The following HERC1 variants were observed in gnomAD, a reference collection of about 807,000 sequenced individuals.
HERC1 encodes HECT and RLD domain containing E3 ubiquitin protein ligase family member 1.
In HERC1, 160 loss-of-function variants were observed where a neutral mutation model predicts 554.3. The observed-to-expected ratio is 0.29, with a 90% CI of 0.25 to 0.33. HERC1 has a LOEUF of 0.33. Ranked by LOEUF, HERC1 falls within the 10% of genes least tolerant of loss-of-function variation. The pLI is 1.00. For synonymous variants in HERC1, 2,175 were observed against 2,131.7 expected (o/e 1.02, Z -0.56); for missense variants, 4,919 against 5,918.5 (o/e 0.83, Z 5.54).
intron 18 of HERC1, 40 bp from the exon 19 acceptor site, chr15:63,723,395 A>AT (rs2073903062): frequency 7.3e-7 from 1 of 1,373,194 alleles, no homozygotes; most frequent in Non-Finnish European, 9.8e-7. Context: ...AACATCATAA[A>AT]TTTTGGTGCT....
At chr15:63,743,234 ATTTTCTTTTT>A (rs1285605920) in intron 12 of HERC1, among the ~76,000 whole-genome samples, 47 of 85,034 alleles carry the variant, frequency 5.5e-4, no homozygotes, top group African/African-American at 1.6e-3. Context: ...TCCTCTGTGT[ATTTTCTTTTT>A]TTTTCTTTTT....
chr15:63,689,338 CT>C (rs1411461583), intron 33 of HERC1, among the ~76,000 whole-genome samples: 11 of 152,156 alleles, frequency 7.2e-5, no homozygotes, highest in African/African-American at 2.7e-4. Context: ...TTCTAAGAAG[CT>C]TAGTACTACA....
intron 1 of HERC1, among the ~76,000 whole-genome samples, chr15:63,805,951 A>C (rs1484444156): frequency 6.6e-6 from 1 of 151,698 alleles, no homozygotes; most frequent in African/African-American, 2.4e-5. Flanking sequence ...TCAAAACAAA[A>C]AAAAAAAAAC....
chr15:63,755,162 G>T, intron 6 of HERC1, 67 bp downstream of exon 6: 2 of 1,080,560 alleles, frequency 1.9e-6, no homozygotes, highest in Non-Finnish European at 1.4e-6. Context: ...CTGCTCTCAC[G>T]GCTTCTCAGT....
intron 1 of HERC1, among the ~76,000 whole-genome samples, chr15:63,818,314 C>T (rs1380097100): frequency 1.3e-5 from 2 of 152,066 alleles, no homozygotes; most frequent in African/African-American, 4.8e-5. Context: ...TAAAGCACTC[C>T]GGCTCACTGA....
At chr15:63,669,473 A>G (rs1263712856) in intron 40 of HERC1, 65 bp downstream of exon 40, 16 of 1,472,000 alleles carry the variant, frequency 1.1e-5, no homozygotes, top group Non-Finnish European at 9.4e-7. Context: ...CAATGCCCAC[A>G]TAATAAAGTC....
rs374580110 is a variant in HERC1, at chr15:63,694,452, G to A, written c.5340C>T (p.Asn1780=). 54 of 1,613,840 alleles carry A rather than the reference G, an allele frequency of 3.3e-5. No homozygotes were observed. Among genetic ancestry groups the A allele is most frequent in the East Asian group, 6.7e-5 (3 of 44,900 alleles). ...CTGTACCACACAACTGTGACAATAC[G>A]TTTAGCAGACCAGTGGAAATTGCCA... ...VSLAISTGLL[N]VLSQLCGTDT... is the part of the protein sequence containing the mutation. The change falls in exon 29 of 78, where the codon AAC becomes AAT. Residue 1780 remains asparagine (N), a synonymous_variant. Coordinates refer to ENST00000443617, the MANE Select transcript of HERC1 (RefSeq NM_003922.4). The surrounding 1 kb of genome is among the most constrained non-coding windows in gnomAD (Gnocchi z 4.3).
chr15:63,645,524 G>A lies in HERC1; in HGVS notation c.11037C>T (p.Arg3679=), dbSNP rs1566968262. Residue 3679 remains arginine, a synonymous_variant, in exon 56 of 78, where the codon CGC becomes CGT. Transcript: ENST00000443617. ...GCAACTTGGATCCTTTCCCTGGAAG[G>A]CGGCACCAAGCAATGCCATTTACAA... ...PSIVNGIAWC[R]LPGKGSKLQL... 1.2e-6 allele frequency: 2 copies of A among 1,612,196 alleles called. No individual in the cohort carries two copies. Among genetic ancestry groups the A allele is most frequent in the Non-Finnish European group, 1.7e-6 (2 of 1,179,232 alleles).
At position 63,669,656 on chromosome 15, in the gene HERC1, T is replaced by G. The variant is rs76114496; in HGVS notation, c.8088A>C (p.Thr2696=). 6.2e-7 allele frequency: 1 copy of G among 1,613,944 alleles called. No homozygotes were observed. The highest frequency in any genetic ancestry group is 1.1e-5 in the South Asian group (1 of 91,082). ...ATATTGGAGGAGTCTGTGCCCGACG[T>G]GTGGGAAGTACAGTGGTAGTTGGGT... is the stretch of plus-strand genomic sequence containing the variant. ...SSYPTTTVLP[T]RRAQTPPISS... Residue 2696 remains threonine (T), a synonymous_variant, in exon 40 of 78, where the codon ACA becomes ACC. Coordinates refer to ENST00000443617, the MANE Select transcript of HERC1 (RefSeq NM_003922.4).
chr15:63,797,886 A>C (rs2076860326), intron 1 of HERC1, among the ~76,000 whole-genome samples: 1 of 152,254 alleles, frequency 6.6e-6, no homozygotes, highest in Non-Finnish European at 1.5e-5. Flanking sequence ...CAGTACAACA[A>C]GATTACATGC....
At chr15:63,740,475 C>A (rs1263342518) in intron 12 of HERC1, among the ~76,000 whole-genome samples, 1 of 152,186 alleles carries the variant, frequency 6.6e-6, no homozygotes, top group African/African-American at 2.4e-5. Flanking sequence ...CATACAGTAA[C>A]TCTATGTTTA....
chr15:63,774,600 C>G, intron 2 of HERC1, 94 bp downstream of exon 2: 1 of 921,490 alleles, frequency 1.1e-6, no homozygotes, highest in Non-Finnish European at 1.6e-6. Context: ...CCAAAAGTCT[C>G]AAATCATTCA....
intron 12 of HERC1, among the ~76,000 whole-genome samples, chr15:63,742,465 T>A (rs1031925526): frequency 3.3e-5 from 5 of 152,220 alleles, no homozygotes; most frequent in Non-Finnish European, 7.4e-5. Flanking sequence ...CTTTTCAATC[T>A]ACATGAGTTT....
chr15:63,769,421 A>C (rs916252671), intron 2 of HERC1, among the ~76,000 whole-genome samples: 1 of 151,678 alleles, frequency 6.6e-6, no homozygotes, highest in Non-Finnish European at 1.5e-5. Context: ...CTCTGTTTCC[A>C]AAAAAAACAG....
chr15:63,789,605 C>G (rs1382984400), intron 1 of HERC1, among the ~76,000 whole-genome samples: 9 of 151,416 alleles, frequency 5.9e-5, no homozygotes. Context: ...CGAGACCAGC[C>G]TGGCCAACAT....
At chr15:63,781,635 T>G (rs1321724240) in intron 1 of HERC1, among the ~76,000 whole-genome samples, 2 of 152,130 alleles carry the variant, frequency 1.3e-5, no homozygotes, top group African/African-American at 4.8e-5. Flanking sequence ...AATATTGAAA[T>G]TAGGCCAACT....
chr15:63,678,383 G>A lies in HERC1; in HGVS notation c.6550-18C>T, dbSNP rs766439373. 1 of 1,559,398 alleles carries A rather than the reference G, an allele frequency of 6.4e-7. No individual in the cohort carries two copies. Among genetic ancestry groups the A allele is most frequent in the Non-Finnish European group, 8.7e-7 (1 of 1,155,394 alleles). On this transcript the variant is annotated intron_variant, in intron 36 of 77. Transcript: ENST00000443617. ...ATTTTCACCTATATAAAAGTAAAGA[G>A]GGTGGAAAACACATGCTATTAGTAG...
At chr15:63,719,860 G>C (rs1299437097) in intron 19 of HERC1, among the ~76,000 whole-genome samples, 1 of 152,138 alleles carries the variant, frequency 6.6e-6, no homozygotes, top group Non-Finnish European at 1.5e-5. Context: ...AGGGTAGGGA[G>C]CTGGAATCAG....
intron 14 of HERC1, among the ~76,000 whole-genome samples, chr15:63,730,755 C>G (rs927582300): frequency 2.0e-5 from 3 of 152,174 alleles, no homozygotes; most frequent in Non-Finnish European, 4.4e-5. Flanking sequence ...AATTTACTCT[C>G]AAATGATTTA....
Sources: gnomAD v4.1 joint callset for allele counts (sites outside exome capture counted in the v4.1 genomes callset) on GRCh38, gnomAD v4.1.1 for gene constraint, Gnocchi (gnomAD v3.1) non-coding constraint, MANE v1.5 for transcripts, NCBI Gene and HGNC (gene_info 2026-07-23, HGNC 2026-07-21) for gene names.